The following EYA4 variants were observed in gnomAD, a reference collection of about 807,000 sequenced individuals.
The protein encoded by EYA4 is protein phosphatase EYA4.
Under a neutral mutation model 87.9 loss-of-function variants are expected in EYA4, and 31 were observed. The observed-to-expected ratio is 0.35, with a 90% confidence interval of 0.27 to 0.48. The LOEUF (loss-of-function observed/expected upper bound fraction) is 0.48, where lower values mean the gene tolerates loss of function less well. Ranked by LOEUF, EYA4 falls within the 20% of genes least tolerant of loss-of-function variation. The pLI is 0.99. For synonymous variants in EYA4, 263 were observed against 270.6 expected (o/e 0.97, Z 0.28); for missense variants, 678 against 761.4 (o/e 0.89, Z 1.29).
At chr6:133,518,563 C>A (rs550735658) in intron 17 of EYA4, among the ~76,000 whole-genome samples, 2 of 152,266 alleles carry the variant, frequency 1.3e-5, no homozygotes, top group African/African-American at 4.8e-5. Context: ...AATTAACTTA[C>A]CCTCTGACCC....
intron 3 of EYA4, among the ~76,000 whole-genome samples, chr6:133,389,087 A>G (rs1195830062): frequency 1.3e-5 from 2 of 151,976 alleles, no homozygotes; most frequent in African/African-American, 4.8e-5. Context: ...CATCATTTCA[A>G]ATCATCTTCC....
intron 1 of EYA4, among the ~76,000 whole-genome samples, chr6:133,267,719 A>G (rs1024834201): frequency 2.0e-5 from 3 of 152,170 alleles, no homozygotes; most frequent in African/African-American, 4.8e-5. Flanking sequence ...TGATCATTAA[A>G]TTATATTATA....
At position 133,512,957 on chromosome 6, in the gene EYA4, G is replaced by A; in HGVS notation, c.1420G>A (p.Gly474Arg). ...NLCLPTGVRG[G>R]VDWMRKLAFR... Reference sequence around the variant, plus strand: ...TTGTTTGCCAACAGGTGTAAGAGGAGGGGTTGACTGGATGAGGAAGTTGGC... The same window carrying A: ...TTGTTTGCCAACAGGTGTAAGAGGAAGGGTTGACTGGATGAGGAAGTTGGC... The change falls in exon 16 of 20, where the codon GGG (glycine) becomes AGG (arginine). Residue 474 changes from glycine to arginine, a missense_variant. Physicochemically the swap from Gly to Arg is moderately radical, Grantham distance 125. Transcript: ENST00000355286. 3 of 1,614,088 alleles carry A rather than the reference G, an allele frequency of 1.9e-6. No homozygotes were observed. Among genetic ancestry groups the A allele is most frequent in the South Asian group, 2.2e-5 (2 of 91,072 alleles).
At chr6:133,503,508 A>G (rs1385556371) in intron 13 of EYA4, among the ~76,000 whole-genome samples, 2 of 152,222 alleles carry the variant, frequency 1.3e-5, no homozygotes, top group African/African-American at 4.8e-5. Flanking sequence ...ATAACAGACT[A>G]GTGTGGAGCT....
intron 2 of EYA4, among the ~76,000 whole-genome samples, chr6:133,293,223 CT>C (rs1778632384): frequency 6.6e-6 from 1 of 152,050 alleles, no homozygotes; most frequent in Non-Finnish European, 1.5e-5. Context: ...ATAACTGTGC[CT>C]TTTTCATCCA....
Position 133,382,445 on chromosome 6 carries a change from C to T in EYA4, c.83+4C>T. On this transcript the variant is annotated splice_donor_region_variant and intron_variant, in intron 3 of 19. Coordinates refer to ENST00000355286, the MANE Select transcript of EYA4 (RefSeq NM_004100.5). ...TTTCACAATCTCAGAATTCCAGGTA[C>T]AGTAAAATAAAGACCAAGACTCCCC... 6.2e-7 allele frequency: 1 copy of T among 1,606,304 alleles called. No homozygotes were observed. The highest frequency in any genetic ancestry group is 8.5e-7 in the Non-Finnish European group (1 of 1,172,990).
In EYA4 at chr6:133,275,457, T is replaced by G. The variant is rs1777087037; in HGVS notation, c.33+644T>G. On this transcript the variant is annotated intron_variant, in intron 2 of 19. Coordinates refer to ENST00000355286, the MANE Select transcript of EYA4 (RefSeq NM_004100.5). ...CTTCACACTACTGGAAGCTGTCGTT[T>G]GAGCTGTTTTGCATACGGACAACTC... Among the ~76,000 whole-genome samples the G allele has an allele frequency of 2.0e-5, 3 of 152,004 alleles. No homozygotes were observed. In the South Asian group the frequency reaches 6.2e-4, roughly 32 times the overall value.
At chr6:133,362,559 A>T (rs2095603) in intron 2 of EYA4, among the ~76,000 whole-genome samples, 13,531 of 152,286 alleles carry the variant, frequency 0.089, 759 homozygotes, top group East Asian at 0.16. Flanking sequence ...CCTTAAAAAA[A>T]ATAGCTGCTG....
intron 3 of EYA4, among the ~76,000 whole-genome samples, chr6:133,440,757 A>G (rs1792194689): frequency 6.6e-6 from 1 of 152,236 alleles, no homozygotes; most frequent in African/African-American, 2.4e-5. Context: ...ACTGTATACT[A>G]GGTGATTACT....
chr6:133,503,307 T>A (rs1798299642), intron 13 of EYA4, among the ~76,000 whole-genome samples: 1 of 152,194 alleles, frequency 6.6e-6, no homozygotes, highest in South Asian at 2.1e-4. Flanking sequence ...AAATCTGATC[T>A]GTAAATGCAA....
At chr6:133,388,236 G>A (rs999902773) in intron 3 of EYA4, among the ~76,000 whole-genome samples, 8 of 149,896 alleles carry the variant, frequency 5.3e-5, no homozygotes, top group Non-Finnish European at 1.2e-4. Flanking sequence ...GTGAGACCCC[G>A]TCTCTACTAA....
At position 133,531,313 on chromosome 6, in the gene EYA4, G is replaced by A; in HGVS notation, c.*2508G>A. ...AGCCAGCATCACAGCTTGGCCATGG[G>A]ACGTTGAGTATGCACAAACTAGAAC... On this transcript the variant is annotated 3_prime_UTR_variant, in exon 20 of 20. Coordinates refer to ENST00000355286, the MANE Select transcript of EYA4 (RefSeq NM_004100.5). The A allele has an allele frequency of 4.1e-6, 4 of 970,894 alleles. 1 individual carries two copies. The South Asian group carries it at 5.6e-5, about 13-fold the overall frequency. The allele number at this position is 970,894 out of a possible 1,614,324, so 60.1% of individuals were successfully genotyped here.
intron 3 of EYA4, among the ~76,000 whole-genome samples, chr6:133,415,908 C>T (rs117021697): frequency 0.028 from 4,210 of 152,332 alleles, 98 homozygotes; most frequent in Middle Eastern, 0.048. Flanking sequence ...TAGGGAACAT[C>T]ACAAGCATTT....
intron 2 of EYA4, among the ~76,000 whole-genome samples, chr6:133,294,361 T>G (rs1778783738): frequency 6.7e-6 from 1 of 150,290 alleles, no homozygotes; most frequent in Admixed American, 6.6e-5. Context: ...TTTGTTTTGT[T>G]TTTGTTTTTT....
chr6:133,333,236 T>C (rs1782117361), intron 2 of EYA4, among the ~76,000 whole-genome samples: 1 of 152,236 alleles, frequency 6.6e-6, no homozygotes, highest in Non-Finnish European at 1.5e-5. Context: ...GCCTGGTACA[T>C]AGTATTCCTT....
intron 2 of EYA4, among the ~76,000 whole-genome samples, chr6:133,298,053 T>C (rs959668128): frequency 4.6e-5 from 7 of 152,232 alleles, no homozygotes; most frequent in African/African-American, 1.7e-4. Context: ...GAAAAGAGTT[T>C]TTCCCCAGCA....
At chr6:133,400,200 T>C (rs933984110) in intron 3 of EYA4, among the ~76,000 whole-genome samples, 3 of 152,196 alleles carry the variant, frequency 2.0e-5, no homozygotes, top group African/African-American at 7.2e-5. Context: ...TATACACTGA[T>C]ACAGATGCGA....
At chr6:133,352,480 C>A (rs963873020) in intron 2 of EYA4, among the ~76,000 whole-genome samples, 2 of 152,014 alleles carry the variant, frequency 1.3e-5, no homozygotes, top group South Asian at 2.1e-4. Context: ...ATCTACATTT[C>A]ATAAATGGTT....
At chr6:133,516,261 G>A (rs1171809301) in intron 17 of EYA4, among the ~76,000 whole-genome samples, 1 of 151,876 alleles carries the variant, frequency 6.6e-6, no homozygotes, top group Non-Finnish European at 1.5e-5. Context: ...AGGAGGGAGA[G>A]AATCAGAAAG....
Sources: gnomAD v4.1 joint callset for allele counts (sites outside exome capture counted in the v4.1 genomes callset) on GRCh38, gnomAD v4.1.1 for gene constraint, MANE v1.5 for transcripts, NCBI Gene and HGNC (gene_info 2026-07-23, HGNC 2026-07-21) for gene names.